The following C1R variants were observed in gnomAD, a reference collection of about 807,000 sequenced individuals.
The protein encoded by C1R is complement C1r.
C1R carries 15 observed loss-of-function variants against 27.6 expected under a neutral mutation model. The observed-to-expected ratio is 0.54, with a 90% CI of 0.36 to 0.84. The LOEUF (loss-of-function observed/expected upper bound fraction) is 0.84, where lower values mean the gene tolerates loss of function less well. Ranked by LOEUF, C1R falls within the 40% of genes least tolerant of loss-of-function variation. The probability of loss-of-function intolerance (pLI) is 0.01; values close to 1 mark genes in which losing one functional copy is unlikely to be tolerated. For synonymous variants in C1R, 253 were observed against 228.8 expected, an observed-to-expected ratio of 1.11 and a Z score of -0.95; for missense variants, 544 against 577.9, an observed-to-expected ratio of 0.94 and a Z score of 0.60.
intron 7 of C1R, 105 bp downstream of exon 7, chr12:7,088,505 G>C: frequency 1.4e-6 from 1 of 717,144 alleles, no homozygotes; most frequent in Non-Finnish European, 2.6e-6. Context: ...CAGCTGAAAC[G>C]TCTACGACTC....
At position 7,082,176 on chromosome 12, in the gene C1R, A is replaced by G. The variant is rs999572492; in HGVS notation, c.1274-70T>C. The stretch of plus-strand genomic sequence containing the variant: ...AGAAAACTAGGTTGCAGAGGCCAGC[A>G]AGTACTGAGTGTGCTTGATGGGGAG... On this transcript the variant is annotated intron_variant, in intron 9 of 10. Transcript: ENST00000647956. The G allele has an allele frequency of 3.5e-5, 30 of 857,804 alleles. No individual in the cohort carries two copies. The Admixed American group carries it at 5.6e-4, about 16-fold the overall frequency. 53.1% of individuals were successfully genotyped at this position (857,804 alleles called of 1,614,324 possible).
intron 1 of C1R, chr12:7,092,122 G>T (rs1591592339): frequency 5.0e-6 from 3 of 599,558 alleles, no homozygotes; most frequent in East Asian, 5.6e-5. Flanking sequence ...CCCGTCCTGG[G>T]CAAGGGGTCC....
Position 7,080,766 on chromosome 12 carries a change from A to G in C1R, c.1884T>C (p.Asn628=), listed in dbSNP as rs201424709. 63 of 1,613,958 alleles carry G rather than the reference A, an allele frequency of 3.9e-5. No homozygotes were observed. The African/African-American group carries it at 7.6e-4, about 19-fold the overall frequency. Residue 628 remains asparagine, a synonymous_variant, in exon 11 of 11, where the codon AAT becomes AAC. Transcript: ENST00000647956. The surrounding 1 kb of genome is among the most constrained non-coding windows in gnomAD (Gnocchi z 4.9). The part of the protein sequence containing the change: ...QACENWLRGK[N]RMDVFSQNMF... The stretch of plus-strand genomic sequence containing the variant: ...TGTTTTGAGAGAACACATCCATCCT[A>G]TTCTTTCCCCGGAGCCAGTTCTCAC...
rs191819538 is a variant in C1R at position 7,088,868 on chromosome 12, C to T, written c.887G>A (p.Arg296Gln). ...LFFTDESGDSRGWKLRYTTEI... is the reference protein window; with the variant it reads ...LFFTDESGDSQGWKLRYTTEI... ...GGTGGTGTAGCGCAGCTTCCAGCCC[C>T]GGCTGTCCCCCGACTCATCTGTGAA... The change falls in exon 6 of 11, where the codon CGG becomes CAG. Residue 296 changes from arginine (R) to glutamine (Q), a missense_variant. Arg to Gln is a conservative substitution (Grantham distance 43). Coordinates refer to ENST00000647956, the MANE Select transcript of C1R (RefSeq NM_001733.7). The T allele has an allele frequency of 2.0e-4, 152 of 775,654 alleles. No individual in the cohort carries two copies. The highest frequency in any genetic ancestry group is 9.9e-4 in the Admixed American group (58 of 58,328). The allele number at this position is 775,654 out of a possible 1,614,324, so 48.0% of individuals were successfully genotyped here. A position where few individuals can be genotyped will look rare whatever the true frequency, so the allele number is the denominator to read the frequency against.
chr12:7,085,928 G>A lies in C1R; in HGVS notation c.1206C>T (p.Ile402=), dbSNP rs2135741050. ...AATATGGCTCATGGCAGTAGTACTG[G>A]ATACGGGCCTTGTAGGTGTTCACTC... The part of the protein sequence containing the change: ...TMGVNTYKAR[I]QYYCHEPYYK... Residue 402 remains isoleucine (I), a synonymous_variant, in exon 9 of 11, where the codon ATC becomes ATT. Coordinates refer to ENST00000647956, the MANE Select transcript of C1R (RefSeq NM_001733.7). 2 of 398,630 alleles carry A rather than the reference G, an allele frequency of 5.0e-6. No individual in the cohort carries two copies. The highest frequency in any genetic ancestry group is 4.4e-5 in the Admixed American group (1 of 22,742). The allele number at this position is 398,630 out of a possible 1,614,324, so 24.7% of individuals were successfully genotyped here.
Position 7,089,345 on chromosome 12 carries a change from G to T in C1R, c.716C>A (p.Pro239His), listed in dbSNP as rs757449268. The T allele has an allele frequency of 5.1e-6, 4 of 780,630 alleles. No homozygotes were observed. In the South Asian group the frequency reaches 5.4e-5, roughly 10 times the overall value. 48.4% of individuals were successfully genotyped at this position (780,630 alleles called of 1,614,324 possible). A position where few individuals can be genotyped will look rare whatever the true frequency, so the allele number is the denominator to read the frequency against. ...GLTLHLKFLE[P>H]FDIDDHQQVH... Reference sequence around the variant, plus strand: ...TTGCTGGTGGTCATCAATATCAAAAGGCTCCAGGAACTTGAGGTGCAGGGT... The same window carrying T: ...TTGCTGGTGGTCATCAATATCAAAATGCTCCAGGAACTTGAGGTGCAGGGT... The change falls in exon 5 of 11, where the codon CCT (proline) becomes CAT (histidine). Residue 239 changes from proline to histidine, a missense_variant. Transcript: ENST00000647956.
chr12:7,083,055 AT>A (rs1172186476), intron 9 of C1R, among the ~76,000 whole-genome samples: 1 of 152,226 alleles, frequency 6.6e-6, no homozygotes, highest in African/African-American at 2.4e-5. Flanking sequence ...GATTTCTAAT[AT>A]TTAAAAAAAG....
At position 7,082,120 on chromosome 12, in the gene C1R, A is replaced by T. The variant is rs900775092; in HGVS notation, c.1274-14T>A. On this transcript the variant is annotated splice_polypyrimidine_tract_variant and intron_variant, in intron 9 of 10. Transcript: ENST00000647956. ...AGGTGTACACCCCTGAGGGCAGAGG[A>T]GGCAAGAATCAAGTTGGGGGGTGAT... 1 of 1,445,206 alleles carries T rather than the reference A, an allele frequency of 6.9e-7. No homozygotes were observed. Among genetic ancestry groups the T allele is most frequent in the African/African-American group, 1.4e-5 (1 of 71,254 alleles). The allele number at this position is 1,445,206 out of a possible 1,614,324, so 89.5% of individuals were successfully genotyped here.
At chr12:7,092,155 A>G (rs1938291893) in intron 1 of C1R, 1 of 615,594 alleles carries the variant, frequency 1.6e-6, no homozygotes, top group Admixed American at 2.7e-5. Context: ...GCTCCCTGCC[A>G]AGAGCCCAGA....
At chr12:7,084,668 G>C (rs1938108636) in intron 9 of C1R, among the ~76,000 whole-genome samples, 1 of 138,740 alleles carries the variant, frequency 7.2e-6, no homozygotes, top group Non-Finnish European at 1.5e-5. Flanking sequence ...TGATGGTGTT[G>C]GTAATGGTGA....
intron 3 of C1R, 38 bp downstream of exon 3, chr12:7,090,018 T>A (rs750123825): frequency 1.6e-5 from 12 of 739,598 alleles, no homozygotes; most frequent in Non-Finnish European, 2.8e-5. Context: ...TCAATATGGC[T>A]GAGGTCAGAG....
At chr12:7,085,585 G>A (rs1938144390) in intron 9 of C1R, among the ~76,000 whole-genome samples, 1 of 152,028 alleles carries the variant, frequency 6.6e-6, no homozygotes, top group Admixed American at 6.6e-5. Context: ...TGGCAGTGAT[G>A]GTAGCAATGG....
intron 10 of C1R, 124 bp downstream of exon 10, chr12:7,081,908 T>A: frequency 1.3e-6 from 1 of 751,364 alleles, no homozygotes. Context: ...TCTGTCCCTC[T>A]CTCCCTTTCT....
At chr12:7,088,536 C>T in intron 7 of C1R, 74 bp downstream of exon 7, 1 of 718,466 alleles carries the variant, frequency 1.4e-6, no homozygotes, top group Non-Finnish European at 2.6e-6. Flanking sequence ...GAGACTAAAT[C>T]CTCTGTGAAC....
rs1290188551 is a variant in C1R, at chr12:7,081,313, A to T, written c.1349-12T>A. 6.2e-7 allele frequency: 1 copy of T among 1,605,352 alleles called. No homozygotes were observed. Among genetic ancestry groups the T allele is most frequent in the Non-Finnish European group, 8.5e-7 (1 of 1,175,680 alleles). ...GGGCTTCCCACACACTGAGGGAGAG[A>T]CAGGGAAGACAAGGGCAAGTCAGTT... On this transcript the variant is annotated splice_polypyrimidine_tract_variant and intron_variant, in intron 10 of 10. Transcript: ENST00000647956.
Position 7,085,995 on chromosome 12 carries a change from C to T in C1R, c.1139G>A (p.Arg380Gln), listed in dbSNP as rs1205977112. ...RCKIKDCGQP[R>Q]NLPNGDFRYT... ...ACGGAAGTCACCATTAGGCAGGTTTCGGGGCTGCCCACAGTCCTTGACTTG... is the reference window on the plus strand; with the variant it reads ...ACGGAAGTCACCATTAGGCAGGTTTTGGGGCTGCCCACAGTCCTTGACTTG... Residue 380 changes from arginine (R) to glutamine (Q), a missense_variant, in exon 9 of 11, where the codon CGA (arginine) becomes CAA (glutamine). By Grantham distance (43) the Arg-to-Gln change is conservative. Coordinates refer to ENST00000647956, the MANE Select transcript of C1R (RefSeq NM_001733.7). The T allele has an allele frequency of 6.5e-5, 26 of 398,634 alleles. No homozygotes were observed. In the South Asian group the frequency reaches 1.3e-3, roughly 19 times the overall value. The allele number at this position is 398,634 out of a possible 1,614,324, so 24.7% of individuals were successfully genotyped here. A position where few individuals can be genotyped will look rare whatever the true frequency, so the allele number is the denominator to read the frequency against.
chr12:7,088,366 C>T, intron 7 of C1R: 1 of 693,012 alleles, frequency 1.4e-6, no homozygotes, highest in South Asian at 1.5e-5. Context: ...TGCTATATTG[C>T]TCAGGCTGGA....
At chr12:7,085,136 GTGA>G (rs1938127966) in intron 9 of C1R, among the ~76,000 whole-genome samples, 1 of 148,454 alleles carries the variant, frequency 6.7e-6, no homozygotes, top group East Asian at 2.0e-4. Context: ...GGTGATGGTG[GTGA>G]TGATGGTGTT....
rs777050185 is a variant in C1R at position 7,081,192 on chromosome 12, G to A, written c.1458C>T (p.Arg486=). ...PWQVFTNIHG[R]GGGALLGDRW... ...GGTCGCCCAGCAGGGCCCCGCCCCC[G>A]CGCCCGTGGATGTTGGTGAACACCT... The change falls in exon 11 of 11, where the codon CGC becomes CGT. Residue 486 remains arginine, a synonymous_variant. Coordinates refer to ENST00000647956, the MANE Select transcript of C1R (RefSeq NM_001733.7). 6.8e-6 allele frequency: 11 copies of A among 1,613,638 alleles called. No individual in the cohort carries two copies. The highest frequency in any genetic ancestry group is 2.2e-5 in the South Asian group (2 of 91,066).
Sources: gnomAD v4.1 joint callset for allele counts (sites outside exome capture counted in the v4.1 genomes callset) on GRCh38, gnomAD v4.1.1 for gene constraint, Gnocchi (gnomAD v3.1) non-coding constraint, MANE v1.5 for transcripts, NCBI Gene and HGNC (gene_info 2026-07-23, HGNC 2026-07-21) for gene names.